Variants in CNNM2 observed in about 807,000 individuals in gnomAD.
CNNM2 encodes the protein metal transporter CNNM2.
CNNM2 carries 12 observed loss-of-function variants against 66.9 expected under a neutral mutation model. The observed-to-expected ratio is 0.18, with a 90% CI of 0.11 to 0.29. CNNM2 has a LOEUF of 0.29. Ranked by LOEUF, CNNM2 falls within the 10% of genes least tolerant of loss-of-function variation. CNNM2 has a pLI of 1.00. For missense variants in CNNM2, 705 were observed against 1,167.7 expected (o/e 0.60, Z 5.77); for synonymous variants, 557 against 501.8 (o/e 1.11, Z -1.47).
intron 1 of CNNM2, among the ~76,000 whole-genome samples, chr10:102,923,631 A>G (rs147679650): frequency 1.3e-5 from 2 of 152,250 alleles, no homozygotes; most frequent in Non-Finnish European, 2.9e-5. Flanking sequence ...AAACATATAT[A>G]TGGCTTTAAA....
chr10:102,956,075 C>T (rs925748572), intron 1 of CNNM2, among the ~76,000 whole-genome samples: 2 of 152,106 alleles, frequency 1.3e-5, no homozygotes, highest in African/African-American at 2.4e-5. Flanking sequence ...ATCACCAGGT[C>T]AGGAGATCGA....
chr10:102,977,558 T>C (rs576446454), intron 1 of CNNM2, among the ~76,000 whole-genome samples: 10 of 152,276 alleles, frequency 6.6e-5, no homozygotes, highest in African/African-American at 2.4e-4. Context: ...CAGTGGCTCA[T>C]GCCTATAATC....
At chr10:103,013,835 T>C (rs1278913390) in intron 1 of CNNM2, among the ~76,000 whole-genome samples, 5 of 152,210 alleles carry the variant, frequency 3.3e-5, no homozygotes, top group Non-Finnish European at 7.3e-5. Context: ...AAGTAATTAA[T>C]TCTAGAGTAA....
At chr10:102,936,142 C>T (rs1305224983) in intron 1 of CNNM2, among the ~76,000 whole-genome samples, 1 of 151,920 alleles carries the variant, frequency 6.6e-6, no homozygotes, top group Admixed American at 6.6e-5. Context: ...TTTCCATTTG[C>T]CCATCTGCAA....
chr10:103,083,835 A>G lies in CNNM2; in HGVS notation c.*6655A>G, dbSNP rs2065779023. 2 of 152,238 alleles carry G rather than the reference A, an allele frequency of 1.3e-5. No homozygotes were observed. Among genetic ancestry groups the G allele is most frequent in the African/African-American group, 4.8e-5 (2 of 41,446 alleles). 9.4% of individuals were successfully genotyped at this position (152,238 alleles called of 1,614,324 possible). A position where few individuals can be genotyped will look rare whatever the true frequency, so the allele number is the denominator to read the frequency against. On this transcript the variant is annotated 3_prime_UTR_variant, in exon 8 of 8. Coordinates refer to ENST00000369878, the MANE Select transcript of CNNM2 (RefSeq NM_017649.5). ...GCCTCTCAATTGGCTCTTGAAAACA[A>G]GGATGGCTTTATAGGTCCTCCTCTG...
At chr10:102,977,171 A>G (rs1246024435) in intron 1 of CNNM2, among the ~76,000 whole-genome samples, 1 of 152,170 alleles carries the variant, frequency 6.6e-6, no homozygotes, top group South Asian at 2.1e-4. Flanking sequence ...AATTGTGACA[A>G]GCTCTTATTA....
intron 1 of CNNM2, among the ~76,000 whole-genome samples, chr10:102,988,399 C>T (rs2063836403): frequency 6.6e-6 from 1 of 152,120 alleles, no homozygotes; most frequent in African/African-American, 2.4e-5. Context: ...TAGACTGAAA[C>T]CTGTGAATGC....
chr10:102,926,288 T>C (rs1845857371), intron 1 of CNNM2, among the ~76,000 whole-genome samples: 1 of 152,178 alleles, frequency 6.6e-6, no homozygotes, highest in Non-Finnish European at 1.5e-5. Flanking sequence ...AGTCTGAGCA[T>C]AGACATTTAG....
At chr10:102,968,388 A>G (rs994382684) in intron 1 of CNNM2, among the ~76,000 whole-genome samples, 1 of 152,134 alleles carries the variant, frequency 6.6e-6, no homozygotes, top group Non-Finnish European at 1.5e-5. Context: ...CTGGGACTAC[A>G]GGTGCCCAGC....
Position 103,081,603 on chromosome 10 carries a change from T to C in CNNM2, c.*4423T>C, listed in dbSNP as rs539691524. On this transcript the variant is annotated 3_prime_UTR_variant, in exon 8 of 8. Transcript: ENST00000369878. ...AGAGAGACGTTCAGAGACTTCTAAG[T>C]TGAGGTTCATTTGCCTCCGTTTGAG... 6.6e-6 allele frequency: 1 copy of C among 152,376 alleles called. No homozygotes were observed. The highest frequency in any genetic ancestry group is 1.9e-4 in the East Asian group (1 of 5,184). 9.4% of individuals were successfully genotyped at this position (152,376 alleles called of 1,614,324 possible).
At chr10:102,935,815 C>T (rs1045015621) in intron 1 of CNNM2, among the ~76,000 whole-genome samples, 3 of 126,496 alleles carry the variant, frequency 2.4e-5, no homozygotes, top group South Asian at 2.7e-4. Context: ...GGCAAAGTGT[C>T]GCTATGTTGC....
chr10:102,942,828 A>T (rs1354128826), intron 1 of CNNM2, among the ~76,000 whole-genome samples: 2 of 152,250 alleles, frequency 1.3e-5, no homozygotes, highest in African/African-American at 4.8e-5. Flanking sequence ...TGATGTTGCC[A>T]GTAGAGTTAC....
chr10:102,986,599 G>A (rs1342183422), intron 1 of CNNM2, among the ~76,000 whole-genome samples: 1 of 149,714 alleles, frequency 6.7e-6, no homozygotes, highest in East Asian at 2.0e-4. Flanking sequence ...TGGCTAACAC[G>A]ATGAAACCAT....
intron 6 of CNNM2, among the ~76,000 whole-genome samples, chr10:103,073,391 G>C (rs1256933352): frequency 6.6e-6 from 1 of 152,210 alleles, no homozygotes; most frequent in Non-Finnish European, 1.5e-5. Context: ...CACAAACACT[G>C]TTTCAAAAGT....
chr10:103,053,203 T>G (rs1435816457), intron 2 of CNNM2, among the ~76,000 whole-genome samples: 1 of 152,194 alleles, frequency 6.6e-6, no homozygotes, highest in East Asian at 1.9e-4. Flanking sequence ...GCTAAGAGTG[T>G]CTTTTCACAT....
Position 103,089,794 on chromosome 10 carries a change from G to A in CNNM2, c.*12614G>A, listed in dbSNP as rs368467266. 1.7e-5 allele frequency: 28 copies of A among 1,613,976 alleles called. No individual in the cohort carries two copies. The African/African-American group carries it at 3.6e-4, about 21-fold the overall frequency. On this transcript the variant is annotated 3_prime_UTR_variant, in exon 8 of 8. Coordinates refer to ENST00000369878, the MANE Select transcript of CNNM2 (RefSeq NM_017649.5). ...TCACTAATTGACCGTGTCAGCTGGTGCCGCTTGTAGTCAGTGTCTTTGAAA... is the reference window on the plus strand; with the variant it reads ...TCACTAATTGACCGTGTCAGCTGGTACCGCTTGTAGTCAGTGTCTTTGAAA...
At chr10:103,034,913 C>A (rs1284131806) in intron 1 of CNNM2, among the ~76,000 whole-genome samples, 1 of 147,354 alleles carries the variant, frequency 6.8e-6, no homozygotes, top group African/African-American at 2.5e-5. Context: ...TTGCAGTGAG[C>A]CGAGATTGCG....
intron 1 of CNNM2, among the ~76,000 whole-genome samples, chr10:103,020,241 C>G (rs1029337511): frequency 6.6e-6 from 1 of 151,916 alleles, no homozygotes; most frequent in African/African-American, 2.4e-5. Context: ...CTGCAACCTC[C>G]GCCTCCTGGG....
intron 1 of CNNM2, among the ~76,000 whole-genome samples, chr10:102,924,870 AC>A (rs542140419): frequency 1.3e-5 from 2 of 152,344 alleles, no homozygotes; most frequent in East Asian, 3.9e-4. Context: ...GCAGTAACAT[AC>A]ATTAAATGAT....
Sources: gnomAD v4.1 joint callset for allele counts (sites outside exome capture counted in the v4.1 genomes callset) on GRCh38, gnomAD v4.1.1 for gene constraint, MANE v1.5 for transcripts, NCBI Gene and HGNC (gene_info 2026-07-23, HGNC 2026-07-21) for gene names.